The following MBNL2 variants were observed in gnomAD, a reference collection of about 807,000 sequenced individuals.
The protein encoded by MBNL2 is muscleblind-like protein 2.
In MBNL2, 17 loss-of-function variants were observed where a neutral mutation model predicts 41.9. The ratio of observed to expected loss-of-function variants is 0.41; its 90% CI spans 0.28 to 0.61. The LOEUF (loss-of-function observed/expected upper bound fraction) is 0.61. MBNL2 is among the 20% of genes least tolerant of loss of function. The pLI, the probability that MBNL2 is intolerant of heterozygous loss-of-function variation, is 0.35. For missense variants in MBNL2, 336 were observed against 505.6 expected (o/e 0.66, Z 3.22); for synonymous variants, 195 against 182.9 (o/e 1.07, Z -0.53).
Position 97,356,990 on chromosome 13 carries a change from C to A in MBNL2, c.858+141C>A, listed in dbSNP as rs976646240. 3 of 338,252 alleles carry A rather than the reference C, an allele frequency of 8.9e-6. No homozygotes were observed. The South Asian group carries it at 1.0e-4, about 12-fold the overall frequency. The allele number at this position is 338,252 out of a possible 1,614,324, so 21.0% of individuals were successfully genotyped here. A position where few individuals can be genotyped will look rare whatever the true frequency, so the allele number is the denominator to read the frequency against. ...AATCCAATAAGGTGTTTAGCCATCT[C>A]ATTCTCATATGTAATCTGTGAAATA... On this transcript the variant is annotated intron_variant, in intron 6 of 8. Transcript: ENST00000679496.
the MBNL2 span, among the ~76,000 whole-genome samples, chr13:97,205,886 G>A: frequency 1.3e-5 from 2 of 152,148 alleles, no homozygotes; most frequent in Non-Finnish European, 2.9e-5. Flanking sequence ...TAAGACAAAA[G>A]ACAACACAAA....
chr13:97,305,139 T>C (rs188817293), intron 2 of MBNL2, among the ~76,000 whole-genome samples: 1 of 152,356 alleles, frequency 6.6e-6, no homozygotes, highest in East Asian at 1.9e-4. Flanking sequence ...AAAGGTAAAA[T>C]TCCAGTTAGC....
At chr13:97,253,914 T>A (rs1004596540) in intron 1 of MBNL2, among the ~76,000 whole-genome samples, 1 of 152,186 alleles carries the variant, frequency 6.6e-6, no homozygotes, top group East Asian at 1.9e-4. Flanking sequence ...TATTTGTTTT[T>A]GAGACAGAGT....
chr13:97,270,859 A>C (rs1245590073), intron 1 of MBNL2, among the ~76,000 whole-genome samples: 1 of 152,156 alleles, frequency 6.6e-6, no homozygotes, highest in Non-Finnish European at 1.5e-5. Flanking sequence ...ACCTAGCTCA[A>C]GTGGCTCTCT....
rs373727903 is a variant in MBNL2 at position 97,267,524 on chromosome 13, C to T, written c.-604-8108C>T. Among the ~76,000 whole-genome samples the T allele has an allele frequency of 2.6e-5, 4 of 152,206 alleles. No homozygotes were observed. The East Asian group carries it at 5.8e-4, about 22-fold the overall frequency. ...GTGAACCTGGATATTCCTTAAATCA[C>T]ACGCCTTCTGGAGAGGATGGGGCAC... On this transcript the variant is annotated intron_variant, in intron 1 of 8. Coordinates refer to ENST00000679496, the MANE Select transcript of MBNL2 (RefSeq NM_001382683.1).
the MBNL2 span, among the ~76,000 whole-genome samples, chr13:97,180,160 C>A: frequency 6.6e-6 from 1 of 152,078 alleles, no homozygotes; most frequent in African/African-American, 2.4e-5. Context: ...CTCTACAAGA[C>A]TTAGTAATGA....
At chr13:97,216,993 G>A (rs1216075594), upstream of MBNL2, among the ~76,000 whole-genome samples, 12 of 146,862 alleles carry the variant, frequency 8.2e-5, no homozygotes, top group South Asian at 1.7e-3. Flanking sequence ...TAATATATAC[G>A]TAATACATAT....
chr13:97,293,685 G>A (rs939068856), intron 2 of MBNL2, among the ~76,000 whole-genome samples: 2 of 152,136 alleles, frequency 1.3e-5, no homozygotes, highest in Admixed American at 6.5e-5. Flanking sequence ...TTCATAGAAT[G>A]ATACTGTGTT....
At chr13:97,175,078 C>A in the MBNL2 span, among the ~76,000 whole-genome samples, 1 of 152,174 alleles carries the variant, frequency 6.6e-6, no homozygotes. Context: ...TGTCCCTGGG[C>A]TACATTCAGC....
At chr13:97,224,512 T>C (rs1361766400) in intron 1 of MBNL2, among the ~76,000 whole-genome samples, 1 of 151,900 alleles carries the variant, frequency 6.6e-6, no homozygotes, top group Non-Finnish European at 1.5e-5. Flanking sequence ...CCTCTCTGAC[T>C]ACTCACGTAG....
chr13:97,168,652 T>C, the MBNL2 span, among the ~76,000 whole-genome samples: 1 of 152,212 alleles, frequency 6.6e-6, no homozygotes, highest in African/African-American at 2.4e-5. Flanking sequence ...CAATAGGCAC[T>C]TTATGTATTT....
At chr13:97,331,754 A>T (rs527742197) in intron 2 of MBNL2, among the ~76,000 whole-genome samples, 6 of 152,334 alleles carry the variant, frequency 3.9e-5, no homozygotes, top group Non-Finnish European at 8.8e-5. Context: ...CATGTAGGTG[A>T]TCAATAACAT....
At chr13:97,378,434 G>A (rs777843980) in intron 8 of MBNL2, among the ~76,000 whole-genome samples, 1 of 152,192 alleles carries the variant, frequency 6.6e-6, no homozygotes, top group East Asian at 1.9e-4. Flanking sequence ...TGCCCTTCAT[G>A]GGATGTCAAC....
At chr13:97,324,382 G>A (rs1328983709) in intron 2 of MBNL2, among the ~76,000 whole-genome samples, 1 of 152,190 alleles carries the variant, frequency 6.6e-6, no homozygotes, top group Non-Finnish European at 1.5e-5. Flanking sequence ...TTGAGGAGAA[G>A]TTCGGGAAGT....
At chr13:97,365,056 A>T in intron 7 of MBNL2, 80 bp from the exon 8 acceptor site, 1 of 898,480 alleles carries the variant, frequency 1.1e-6, no homozygotes, top group Non-Finnish European at 1.9e-6. Context: ...CTTCAATCTC[A>T]CTTTGAATGT....
chr13:97,330,681 G>C (rs2060358583), intron 2 of MBNL2, among the ~76,000 whole-genome samples: 1 of 152,184 alleles, frequency 6.6e-6, no homozygotes, highest in African/African-American at 2.4e-5. Context: ...GCTATGACAA[G>C]TTGCTTTGAT....
chr13:97,235,108 C>G (rs1036776642), intron 1 of MBNL2, among the ~76,000 whole-genome samples: 4 of 152,284 alleles, frequency 2.6e-5, no homozygotes, highest in African/African-American at 9.6e-5. Flanking sequence ...TATGAGGTGA[C>G]CACATTTTCA....
At chr13:97,148,521 G>C in the MBNL2 span, among the ~76,000 whole-genome samples, 1 of 152,114 alleles carries the variant, frequency 6.6e-6, no homozygotes, top group Admixed American at 6.6e-5. Context: ...AGTCTTTTGG[G>C]GGATGCCAAT....
chr13:97,373,555 T>G (rs182631442), intron 8 of MBNL2, among the ~76,000 whole-genome samples: 1 of 151,358 alleles, frequency 6.6e-6, no homozygotes, highest in African/African-American at 2.4e-5. Flanking sequence ...TGAATTCCAC[T>G]GTATGCATGG....
Sources: allele counts gnomAD v4.1 joint callset (sites outside exome capture counted in the v4.1 genomes callset), GRCh38; gene constraint gnomAD v4.1.1; transcripts MANE v1.5; gene names NCBI Gene and HGNC (gene_info 2026-07-23, HGNC 2026-07-21).